Variants in NLRC5 observed in about 807,000 individuals in gnomAD.
NLRC5 encodes protein NLRC5.
In NLRC5, 114 loss-of-function variants were observed where a neutral mutation model predicts 206.9. The ratio of observed to expected loss-of-function variants is 0.55; its 90% CI spans 0.47 to 0.64. The LOEUF (loss-of-function observed/expected upper bound fraction) is 0.64, where lower values mean the gene tolerates loss of function less well. NLRC5 is among the 30% of genes least tolerant of loss of function. NLRC5 has a pLI of 0.00. For missense variants in NLRC5, 2,008 were observed against 2,305.5 expected, an observed-to-expected ratio of 0.87 and a Z score of 2.64; for synonymous variants, 952 against 962.8, an observed-to-expected ratio of 0.99 and a Z score of 0.21.
rs151133951 is a variant in NLRC5 at position 57,082,742 on chromosome 16, C to T, written c.*214C>T. The T allele has an allele frequency of 2.7e-5, 14 of 514,070 alleles. No homozygotes were observed. The highest frequency in any genetic ancestry group is 5.0e-4 in the Middle Eastern group (1 of 1,998). 31.8% of individuals were successfully genotyped at this position (514,070 alleles called of 1,614,324 possible). A position where few individuals can be genotyped will look rare whatever the true frequency, so the allele number is the denominator to read the frequency against. On this transcript the variant is annotated 3_prime_UTR_variant, in exon 49 of 49. Transcript: ENST00000688547. ...CTGGACAAAGGAGTACCCTGCATTA[C>T]GTGGGATATGTGTGATCAATTGGGG...
chr16:57,078,157 T>G lies in NLRC5; in HGVS notation c.5081+137T>G, dbSNP rs868189258. ...TGGCATATACCCACTCTCCTGCCTG[T>G]TCCTTCCCTGCCTCTGATGTCTGCA... On this transcript the variant is annotated intron_variant, in intron 43 of 48. Transcript: ENST00000688547. 17 of 625,048 alleles carry G rather than the reference T, an allele frequency of 2.7e-5. No homozygotes were observed. In the Middle Eastern group the frequency reaches 1.8e-3, roughly 66 times the overall value. 38.7% of individuals were successfully genotyped at this position (625,048 alleles called of 1,614,324 possible).
rs1409918378 is a variant in NLRC5 at position 57,079,149 on chromosome 16, C to G, written c.5165+16C>G. ...AAGAGATCAGGTAAGTAGGGGCTGC[C>G]CAGCCCAGGCACGGGGACAGTCCTG... On this transcript the variant is annotated intron_variant, in intron 44 of 48. Transcript: ENST00000688547. 6.2e-7 allele frequency: 1 copy of G among 1,613,856 alleles called. No homozygotes were observed. The highest frequency in any genetic ancestry group is 1.7e-5 in the Admixed American group (1 of 60,008).
intron 23 of NLRC5, among the ~76,000 whole-genome samples, chr16:57,048,579 G>A (rs2064334245): frequency 6.6e-6 from 1 of 152,118 alleles, no homozygotes; most frequent in Admixed American, 6.5e-5. Flanking sequence ...TGTTGCCCAG[G>A]CTGGAGTGCA....
chr16:57,048,593 G>A (rs1196442929), intron 23 of NLRC5, among the ~76,000 whole-genome samples: 1 of 152,134 alleles, frequency 6.6e-6, no homozygotes, highest in Non-Finnish European at 1.5e-5. Context: ...GAGTGCAATG[G>A]CGTGATCTCG....
chr16:57,067,310 G>A (rs1352314590), intron 34 of NLRC5, 77 bp from the exon 35 acceptor site: 2 of 1,149,446 alleles, frequency 1.7e-6, no homozygotes, highest in Non-Finnish European at 2.6e-6. Flanking sequence ...TACACCATAA[G>A]CTCCTTGCAG....
intron 15 of NLRC5, among the ~76,000 whole-genome samples, chr16:57,037,792 C>T (rs2062792602): frequency 6.6e-6 from 1 of 152,162 alleles, no homozygotes; most frequent in Admixed American, 6.5e-5. Flanking sequence ...CTGTAAGTCT[C>T]GCCGTTGAGT....
At chr16:57,062,058 A>C in intron 32 of NLRC5, 2 of 1,323,540 alleles carry the variant, frequency 1.5e-6, no homozygotes, top group Non-Finnish European at 9.8e-7. Context: ...AAGATACCGA[A>C]GTAGAAAGAA....
At position 57,037,092 on chromosome 16, in the gene NLRC5, A is replaced by C; in HGVS notation, c.2712-103A>C. ...TGGCAAGGGACCTAGGACATCCAGGAGTGACAGCCAGCAAGCTGCTGAGCC... is the reference window on the plus strand; with the variant it reads ...TGGCAAGGGACCTAGGACATCCAGGCGTGACAGCCAGCAAGCTGCTGAGCC... On this transcript the variant is annotated intron_variant, in intron 14 of 48. Coordinates refer to ENST00000688547, the MANE Select transcript of NLRC5 (RefSeq NM_001384950.1). The C allele has an allele frequency of 4.3e-6, 4 of 934,284 alleles. No homozygotes were observed. The South Asian group carries it at 5.2e-5, about 12-fold the overall frequency. 57.9% of individuals were successfully genotyped at this position (934,284 alleles called of 1,614,324 possible).
At chr16:57,037,336 T>G in intron 15 of NLRC5, 52 bp downstream of exon 15, 1 of 1,507,004 alleles carries the variant, frequency 6.6e-7, no homozygotes, top group Non-Finnish European at 9.1e-7. Context: ...TCATGCTCTC[T>G]CTGAAGCCCT....
In NLRC5 at chr16:57,079,279, C is replaced by T; in HGVS notation, c.5224C>T (p.Leu1742Phe). The T allele has an allele frequency of 6.2e-7, 1 of 1,613,434 alleles. No individual in the cohort carries two copies. The highest frequency in any genetic ancestry group is 8.5e-7 in the Non-Finnish European group (1 of 1,180,006). ...VLRFCMELPL[L>F]RQIDLVSCKI... is the part of the protein sequence containing the mutation. ...GCGTTTCTGTATGGAGCTCCCGCTG[C>T]TCAGACAGATAGAGTAAGTAGCCTC... Residue 1742 changes from leucine to phenylalanine, a missense_variant, in exon 45 of 49, where the codon CTC becomes TTC. By Grantham distance (22) the Leu-to-Phe change is conservative. Coordinates refer to ENST00000688547, the MANE Select transcript of NLRC5 (RefSeq NM_001384950.1).
chr16:57,043,194 T>C (rs1003210326), intron 19 of NLRC5, among the ~76,000 whole-genome samples: 1 of 152,098 alleles, frequency 6.6e-6, no homozygotes, highest in Non-Finnish European at 1.5e-5. Flanking sequence ...ACCCCTCCCT[T>C]ATCAGGTGGA....
intron 1 of NLRC5, among the ~76,000 whole-genome samples, chr16:56,993,853 A>T (rs17369468): frequency 0.25 from 38,345 of 151,908 alleles, 5,618 homozygotes; most frequent in East Asian, 0.37. Context: ...TGTCATTTAA[A>T]ATGGTGGCAT....
chr16:57,022,447 T>C (rs2060781981), intron 4 of NLRC5, 132 bp downstream of exon 4: 4 of 745,454 alleles, frequency 5.4e-6, no homozygotes, highest in African/African-American at 1.8e-5. Flanking sequence ...TCTTCGTCTG[T>C]CCCTGACCCA....
chr16:57,048,668 G>A (rs2064352408), intron 23 of NLRC5, among the ~76,000 whole-genome samples: 1 of 152,064 alleles, frequency 6.6e-6, no homozygotes, highest in Admixed American at 6.6e-5. Flanking sequence ...TGAGTAGCTG[G>A]GATTACAGGC....
At chr16:57,034,589 C>A (rs1434804448) in intron 13 of NLRC5, 2 of 216,502 alleles carry the variant, frequency 9.2e-6, no homozygotes, top group Non-Finnish European at 1.8e-5. Context: ...GGGTTCAAGC[C>A]CAGACAGTCT....
At chr16:57,069,252 T>G (rs1421969744) in intron 36 of NLRC5, among the ~76,000 whole-genome samples, 1 of 152,162 alleles carries the variant, frequency 6.6e-6, no homozygotes, top group African/African-American at 2.4e-5. Context: ...AGTTGCAAAA[T>G]GTAGCTTTCC....
rs776271999 is a variant in NLRC5 at position 57,046,656 on chromosome 16, C to A, written c.3338+15C>A. ...AGGAGCCTCTGGTACTGTCCCAGCC[C>A]TTCTTGTTTGGGGGTAACCATAATA... On this transcript the variant is annotated intron_variant, in intron 22 of 48. Transcript: ENST00000688547. 1 of 1,609,648 alleles carries A rather than the reference C, an allele frequency of 6.2e-7. No individual in the cohort carries two copies. The highest frequency in any genetic ancestry group is 8.5e-7 in the Non-Finnish European group (1 of 1,176,700).
intron 1 of NLRC5, among the ~76,000 whole-genome samples, chr16:57,015,394 G>T (rs1205159111): frequency 6.6e-6 from 1 of 152,144 alleles, no homozygotes; most frequent in Non-Finnish European, 1.5e-5. Flanking sequence ...TCCACGGCAA[G>T]TTTTTATCTC....
chr16:57,055,718 C>T (rs1344265802), intron 27 of NLRC5, among the ~76,000 whole-genome samples, 199 bp downstream of exon 27: 1 of 152,230 alleles, frequency 6.6e-6, no homozygotes, highest in Non-Finnish European at 1.5e-5. Context: ...CCACTCTCGC[C>T]ATGGTGGAGC....
Sources: allele counts gnomAD v4.1 joint callset (sites outside exome capture counted in the v4.1 genomes callset), GRCh38; gene constraint gnomAD v4.1.1; transcripts MANE v1.5; gene names NCBI Gene and HGNC (gene_info 2026-07-23, HGNC 2026-07-21).